TENM4: variants seen among roughly 807,000 people sequenced by gnomAD.
TENM4 encodes teneurin transmembrane protein 4.
Under a neutral mutation model 243.3 loss-of-function variants are expected in TENM4, and 82 were observed. The ratio of observed to expected loss-of-function variants is 0.34; its 90% confidence interval spans 0.28 to 0.40. The LOEUF (loss-of-function observed/expected upper bound fraction) is 0.40, where lower values mean the gene tolerates loss of function less well. Ranked by LOEUF, TENM4 falls within the 10% of genes least tolerant of loss-of-function variation. TENM4 has a pLI of 1.00. For synonymous variants in TENM4, 1,412 were observed against 1,456.3 expected, an observed-to-expected ratio of 0.97 and a Z score of 0.69; for missense variants, 3,138 against 3,673.3, an observed-to-expected ratio of 0.85 and a Z score of 3.77.
intron 6 of TENM4, among the ~76,000 whole-genome samples, chr11:78,942,663 C>A (rs1856926345): frequency 6.6e-6 from 1 of 152,106 alleles, no homozygotes. Flanking sequence ...GAGACAGAAT[C>A]TATCCCAGAG....
intron 1 of TENM4, among the ~76,000 whole-genome samples, chr11:79,316,184 G>A (rs1856799572): frequency 6.6e-6 from 1 of 152,060 alleles, no homozygotes; most frequent in African/African-American, 2.4e-5. Context: ...GAGAAATGAG[G>A]GTTATAGGTT....
At chr11:79,334,040 A>C (rs1857107294) in intron 1 of TENM4, among the ~76,000 whole-genome samples, 1 of 152,208 alleles carries the variant, frequency 6.6e-6, no homozygotes, top group African/African-American at 2.4e-5. Flanking sequence ...ATGATCGTCT[A>C]AGTCATCTGT....
chr11:78,848,592 C>T (rs537663117), intron 12 of TENM4, among the ~76,000 whole-genome samples: 1 of 152,260 alleles, frequency 6.6e-6, no homozygotes, highest in South Asian at 2.1e-4. Context: ...CCTCCTTGAC[C>T]CATCCAGCTA....
chr11:79,069,205 G>A (rs1860343691), intron 5 of TENM4, among the ~76,000 whole-genome samples: 1 of 152,130 alleles, frequency 6.6e-6, no homozygotes, highest in African/African-American at 2.4e-5. Flanking sequence ...AACCATCTCG[G>A]GAAGGTCTTC....
chr11:79,399,448 G>C (rs183791921), intron 1 of TENM4, among the ~76,000 whole-genome samples: 2 of 152,186 alleles, frequency 1.3e-5, no homozygotes, highest in African/African-American at 4.8e-5. Context: ...TGGGGAGTGG[G>C]AGAGCAATAA....
Position 79,132,262 on chromosome 11 carries a change from C to T in TENM4, c.-66+16448G>A, listed in dbSNP as rs190754398. Among the ~76,000 whole-genome samples the T allele has an allele frequency of 2.3e-3, 329 of 140,226 alleles. 1 individual carries two copies. Among genetic ancestry groups the T allele is most frequent in the African/African-American group, 8.0e-3 (305 of 37,890 alleles). The allele number at this position is 140,226 out of a possible 152,430, so 92.0% of individuals were successfully genotyped here. A position where few individuals can be genotyped will look rare whatever the true frequency, so the allele number is the denominator to read the frequency against. On this transcript the variant is annotated intron_variant, in intron 4 of 33. Transcript: ENST00000278550. ...TCAGGAGGCTGAGGCAGGAGAATAGCGTGAACCTGGGAGGCGGAGCTTGCA... is the reference window on the plus strand; with the variant it reads ...TCAGGAGGCTGAGGCAGGAGAATAGTGTGAACCTGGGAGGCGGAGCTTGCA...
At position 79,385,674 on chromosome 11, in the gene TENM4, A is replaced by G. The variant is rs1259886255; in HGVS notation, c.-321+54835T>C. Reference sequence around the variant, plus strand: ...ATTTGCTTTACTTTACAGCTATAGAAAATATAGAAAGATTTGTGAGATTTA... The same window carrying G: ...ATTTGCTTTACTTTACAGCTATAGAGAATATAGAAAGATTTGTGAGATTTA... On this transcript the variant is annotated intron_variant, in intron 1 of 33. Coordinates refer to ENST00000278550, the MANE Select transcript of TENM4 (RefSeq NM_001098816.3). 2.0e-5 allele frequency among the ~76,000 whole-genome samples: 3 copies of G among 152,300 alleles called. No homozygotes were observed. In the East Asian group the frequency reaches 5.8e-4, roughly 29 times the overall value.
chr11:78,889,963 C>A lies in TENM4; in HGVS notation c.906G>T (p.Gly302=), dbSNP rs539657940. The A allele has an allele frequency of 5.2e-5, 80 of 1,551,316 alleles. 2 individuals are homozygous for A. The Admixed American group carries it at 1.1e-3, about 22-fold the overall frequency. ...TSPLFCTTSP[G]YPLTSSTVYS... is the part of the protein sequence containing the mutation. ...ACACTGTGCTGGACGTCAGTGGGTA[C>A]CCTGGTGATGTGGTGCAGAAGAGCG... Residue 302 remains glycine (G), a synonymous_variant, in exon 9 of 34, where the codon GGG becomes GGT. Transcript: ENST00000278550.
chr11:79,338,481 T>G (rs2135456497), intron 1 of TENM4, among the ~76,000 whole-genome samples: 1 of 152,326 alleles, frequency 6.6e-6, no homozygotes, highest in South Asian at 2.1e-4. Flanking sequence ...CACCTCCAAG[T>G]GACCTCTGCC....
chr11:78,944,167 G>A (rs1325306881), intron 6 of TENM4, among the ~76,000 whole-genome samples: 1 of 152,180 alleles, frequency 6.6e-6, no homozygotes, highest in African/African-American at 2.4e-5. Context: ...ACTGGAAGCA[G>A]AAATCTGCCT....
chr11:79,075,302 C>T (rs978508742), intron 4 of TENM4, among the ~76,000 whole-genome samples: 3 of 152,224 alleles, frequency 2.0e-5, no homozygotes, highest in African/African-American at 7.2e-5. Context: ...AAGTGTCCAA[C>T]TGCAAACCTT....
chr11:78,856,752 A>G (rs889144730), intron 10 of TENM4, among the ~76,000 whole-genome samples: 4 of 152,178 alleles, frequency 2.6e-5, no homozygotes, highest in Admixed American at 6.5e-5. Flanking sequence ...GCTGGGGAAG[A>G]TGAGGAAAAG....
intron 3 of TENM4, among the ~76,000 whole-genome samples, chr11:79,170,216 C>A (rs1863010187): frequency 6.6e-6 from 1 of 152,074 alleles, no homozygotes; most frequent in Non-Finnish European, 1.5e-5. Flanking sequence ...CTTCCAAGTT[C>A]ATGAAGGCTT....
chr11:79,377,806 T>A (rs1857922053), intron 1 of TENM4, among the ~76,000 whole-genome samples: 1 of 152,174 alleles, frequency 6.6e-6, no homozygotes, highest in Non-Finnish European at 1.5e-5. Context: ...AAAGTGGAGA[T>A]GTGATTTACT....
intron 19 of TENM4, among the ~76,000 whole-genome samples, chr11:78,748,482 C>A (rs1265542499): frequency 6.6e-6 from 1 of 152,106 alleles, no homozygotes; most frequent in Non-Finnish European, 1.5e-5. Flanking sequence ...AAAGTCAGGG[C>A]CAGGTGGGGT....
intron 2 of TENM4, among the ~76,000 whole-genome samples, chr11:79,265,612 G>A (rs147325208): frequency 9.2e-5 from 14 of 152,068 alleles, no homozygotes; most frequent in African/African-American, 2.4e-4. Flanking sequence ...TGGAGTGTGC[G>A]GCTCTGAGCC....
At chr11:79,000,219 T>A (rs1034116990) in intron 6 of TENM4, among the ~76,000 whole-genome samples, 1 of 152,196 alleles carries the variant, frequency 6.6e-6, no homozygotes, top group African/African-American at 2.4e-5. Context: ...AATTTACTGC[T>A]AGGAGACCTG....
chr11:79,042,954 A>T (rs1461690385), intron 6 of TENM4, among the ~76,000 whole-genome samples: 3 of 152,210 alleles, frequency 2.0e-5, no homozygotes, highest in Non-Finnish European at 4.4e-5. Context: ...CAACACCTAC[A>T]TGTGGTGCCC....
At chr11:79,172,562 G>A (rs916553605) in intron 3 of TENM4, among the ~76,000 whole-genome samples, 2 of 151,888 alleles carry the variant, frequency 1.3e-5, no homozygotes, top group Admixed American at 6.6e-5. Context: ...TATATCCCAC[G>A]TGGCCTTCTC....
Sources: allele counts gnomAD v4.1 joint callset (sites outside exome capture counted in the v4.1 genomes callset), GRCh38; gene constraint gnomAD v4.1.1; transcripts MANE v1.5; gene names NCBI Gene and HGNC (gene_info 2026-07-23, HGNC 2026-07-21).